The following DGKZ variants were observed in gnomAD, a reference collection of about 807,000 sequenced individuals.
DGKZ encodes the protein DAG kinase zeta.
DGKZ carries 45 observed loss-of-function variants against 142.5 expected under a neutral mutation model. The ratio of observed to expected loss-of-function variants is 0.32; its 90% CI spans 0.25 to 0.40. DGKZ has a LOEUF of 0.40. Ranked by LOEUF, DGKZ falls within the 10% of genes least tolerant of loss-of-function variation. The pLI is 1.00. For synonymous variants in DGKZ, 442 were observed against 527.0 expected (o/e 0.84, Z 2.21); for missense variants, 755 against 1,306.5 (o/e 0.58, Z 6.51).
rs1191735682 is a variant in DGKZ at position 46,379,121 on chromosome 11, G to A, written c.2539+10G>A. The A allele has an allele frequency of 6.2e-7, 1 of 1,609,698 alleles. No homozygotes were observed. Among genetic ancestry groups the A allele is most frequent in the Non-Finnish European group, 8.5e-7 (1 of 1,179,360 alleles). ...TACCTGCTGGACCACGGTGAGCCGG[G>A]CAGTGGAGCCCAGGGCCTGGGGCCA... On this transcript the variant is annotated intron_variant, in intron 28 of 30. Transcript: ENST00000527911.
At chr11:46,334,315 A>G (rs1307189505) in intron 1 of DGKZ, among the ~76,000 whole-genome samples, 2 of 152,196 alleles carry the variant, frequency 1.3e-5, no homozygotes, top group Non-Finnish European at 2.9e-5. Flanking sequence ...GTCCCTCTCA[A>G]GCCCTTGGCC....
Position 46,355,796 on chromosome 11 carries a change from G to T in DGKZ, c.161+7976G>T, listed in dbSNP as rs530609285. Among the ~76,000 whole-genome samples the T allele has an allele frequency of 5.9e-5, 9 of 152,062 alleles. 1 individual carries two copies. Among genetic ancestry groups the T allele is most frequent in the African/African-American group, 2.2e-4 (9 of 41,472 alleles). ...AGTTTTGCTCTTGTTGCCCAGGTTG[G>T]AGCGCAATGGCGCGGTCTCGGCTCA... On this transcript the variant is annotated intron_variant, in intron 1 of 30. Coordinates refer to ENST00000527911, the Ensembl canonical transcript of DGKZ.
chr11:46,369,783 C>T, intron 5 of DGKZ, 158 bp from the exon 6 acceptor site: 1 of 917,154 alleles, frequency 1.1e-6, no homozygotes, highest in East Asian at 2.6e-5. Flanking sequence ...GTCTGAGCCT[C>T]CCCCAGGCCA....
At chr11:46,370,636 G>A (rs1943837439) in intron 6 of DGKZ, among the ~76,000 whole-genome samples, 1 of 152,232 alleles carries the variant, frequency 6.6e-6, no homozygotes, top group African/African-American at 2.4e-5. Context: ...GGGGTAGGAA[G>A]GAGGGAAAAT....
intron 14 of DGKZ, 43 bp from the exon 15 acceptor site, chr11:46,374,114 T>A (rs1365496132): frequency 6.2e-7 from 1 of 1,600,254 alleles, no homozygotes; most frequent in Non-Finnish European, 8.6e-7. Flanking sequence ...CGGGGACATT[T>A]GTGAGGCCCA....
upstream of DGKZ, among the ~76,000 whole-genome samples, chr11:46,347,095 G>A (rs2136391045): frequency 1.3e-5 from 2 of 152,296 alleles, 1 homozygote; most frequent in African/African-American, 4.8e-5. The surrounding 1 kb of genome is among the most constrained non-coding windows in gnomAD (Gnocchi z 6.4). Flanking sequence ...CTATGAGTAG[G>A]GTGTGCGAGA....
intron 1 of DGKZ, chr11:46,365,188 C>T: frequency 3.0e-6 from 3 of 985,364 alleles, no homozygotes; most frequent in Non-Finnish European, 3.6e-6. Context: ...GCCCACAGCT[C>T]CTGCCTGCCT....
upstream of DGKZ, chr11:46,345,304 G>A: frequency 7.3e-7 from 1 of 1,376,712 alleles, no homozygotes; most frequent in Non-Finnish European, 9.3e-7. The surrounding 1 kb of genome is among the most constrained non-coding windows in gnomAD (Gnocchi z 4.1). Flanking sequence ...TATGAGCCCT[G>A]AGCCTGTGGT....
chr11:46,367,745 C>T lies in DGKZ; in HGVS notation c.364C>T (p.Leu122=). 1.2e-6 allele frequency: 2 copies of T among 1,613,156 alleles called. No individual in the cohort carries two copies. Among genetic ancestry groups the T allele is most frequent in the Non-Finnish European group, 1.7e-6 (2 of 1,179,882 alleles). Residue 122 remains leucine (L), a splice_region_variant and synonymous_variant, in exon 3 of 31, where the codon CTG becomes TTG. Coordinates refer to ENST00000527911, the Ensembl canonical transcript of DGKZ. This position sits in a 1 kb window ranked among gnomAD's most constrained non-coding sequence, Gnocchi z 4.1. ...GGAGCAGTACTGTGTAGCCAGGATGCTGGTGAGTGCTCGTAGGGGCACGCC... is the reference window on the plus strand; with the variant it reads ...GGAGCAGTACTGTGTAGCCAGGATGTTGGTGAGTGCTCGTAGGGGCACGCC...
chr11:46,365,085 G>A (rs544350317), intron 1 of DGKZ: 1 of 985,428 alleles, frequency 1.0e-6, no homozygotes, highest in East Asian at 1.1e-4. Context: ...TGTGAAGAAG[G>A]GTAGGCAGGG....
At chr11:46,378,316 C>T (rs1368129855) in intron 26 of DGKZ, 87 bp downstream of exon 26, 4 of 1,544,006 alleles carry the variant, frequency 2.6e-6, no homozygotes, top group African/African-American at 1.4e-5. Flanking sequence ...CAGACACAGC[C>T]TTACACAAAC....
At chr11:46,360,357 C>T (rs1332292580) in intron 1 of DGKZ, among the ~76,000 whole-genome samples, 2 of 152,066 alleles carry the variant, frequency 1.3e-5, no homozygotes, top group Admixed American at 1.3e-4. Context: ...TAAAACAAAA[C>T]TCTTTTGGGA....
chr11:46,367,313 C>T lies in DGKZ; in HGVS notation c.184C>T (p.Leu62Phe), dbSNP rs554583193. Residue 62 changes from leucine (L) to phenylalanine (F), a missense_variant, in exon 2 of 31, where the codon CTC becomes TTC. By Grantham distance (22) the Leu-to-Phe change is conservative. Transcript: ENST00000527911. The surrounding 1 kb of genome is among the most constrained non-coding windows in gnomAD (Gnocchi z 4.1). ...TAGGAAAGCCATCACCAAGTCGGGCCTCCAGCACCTGGCCCCCCCTCCGCC... is the reference window on the plus strand; with the variant it reads ...TAGGAAAGCCATCACCAAGTCGGGCTTCCAGCACCTGGCCCCCCCTCCGCC... 680 of 1,612,522 alleles carry T rather than the reference C, an allele frequency of 4.2e-4. 8 individuals carry two copies. The South Asian group carries it at 7.3e-3, about 17-fold the overall frequency.
chr11:46,333,267 G>A, exon 1 of DGKZ: 1 of 1,249,870 alleles, frequency 8.0e-7, no homozygotes, highest in Non-Finnish European at 1.0e-6. Flanking sequence ...GGCGGAAGGC[G>A]GCCGCACGAT....
In DGKZ at chr11:46,377,309, A is replaced by G. The variant is rs1332553884; in HGVS notation, c.2342+97A>G. ...CCTGCTTCTAGCCCCTCCACCAGTTAACTAAATGGTGTCAACCTGAACCTG... is the reference window on the plus strand; with the variant it reads ...CCTGCTTCTAGCCCCTCCACCAGTTGACTAAATGGTGTCAACCTGAACCTG... On this transcript the variant is annotated intron_variant, in intron 25 of 30. Coordinates refer to ENST00000527911, the Ensembl canonical transcript of DGKZ. The G allele has an allele frequency of 1.0e-5, 15 of 1,455,568 alleles. No homozygotes were observed. In the East Asian group the frequency reaches 3.1e-4, roughly 30 times the overall value. The allele number at this position is 1,455,568 out of a possible 1,614,324, so 90.2% of individuals were successfully genotyped here. A position where few individuals can be genotyped will look rare whatever the true frequency, so the allele number is the denominator to read the frequency against.
intron 1 of DGKZ, among the ~76,000 whole-genome samples, chr11:46,355,933 A>T (rs1941968252): frequency 6.6e-6 from 1 of 151,738 alleles, no homozygotes; most frequent in South Asian, 2.1e-4. Flanking sequence ...TTTAGTAGAG[A>T]TGGAGTTTCT....
exon 26 of DGKZ, chr11:46,378,209 G>A (rs1215096884): frequency 4.3e-6 from 7 of 1,609,488 alleles, no homozygotes; most frequent in Non-Finnish European, 5.9e-6. Context: ...TCACTGCAAG[G>A]GGATGCTGCA....
rs545706203 is a variant in DGKZ at position 46,357,099 on chromosome 11, A to G, written c.161+9279A>G. ...TGGCTTGGAGGGAGGCACTAAAGGA[A>G]TGGGTTGGTCATTTGTTGCGCAAAC... On this transcript the variant is annotated intron_variant, in intron 1 of 30. Coordinates refer to ENST00000527911, the Ensembl canonical transcript of DGKZ. 2.0e-5 allele frequency among the ~76,000 whole-genome samples: 3 copies of G among 152,208 alleles called. 1 individual carries two copies. In the East Asian group the frequency reaches 5.8e-4, roughly 29 times the overall value.
intron 1 of DGKZ, among the ~76,000 whole-genome samples, chr11:46,359,486 C>T (rs1942396672): frequency 6.6e-6 from 1 of 152,156 alleles, no homozygotes; most frequent in African/African-American, 2.4e-5. Flanking sequence ...TTTGGAAGAT[C>T]TGCATAACTC....
Sources: gnomAD v4.1 joint callset for allele counts (sites outside exome capture counted in the v4.1 genomes callset) on GRCh38, gnomAD v4.1.1 for gene constraint, Gnocchi (gnomAD v3.1) non-coding constraint, MANE v1.5 for transcripts, NCBI Gene and HGNC (gene_info 2026-07-23, HGNC 2026-07-21) for gene names.